C12orf43: variants seen among roughly 807,000 people sequenced by gnomAD.
The protein encoded by C12orf43 is protein CUSTOS.
A neutral mutation model predicts 20.6 loss-of-function variants in C12orf43; 15 were observed. That is an observed-to-expected ratio of 0.73 (90% CI 0.49 to 1.12). The LOEUF (loss-of-function observed/expected upper bound fraction) is 1.12, where lower values mean the gene tolerates loss of function less well. Among genes scored for constraint, C12orf43 ranks in the 50% most tolerant of loss-of-function variants. The pLI, the probability that C12orf43 is intolerant of heterozygous loss-of-function variation, is 0.00. For missense variants in C12orf43, 334 were observed against 344.4 expected (o/e 0.97, Z 0.24); for synonymous variants, 144 against 130.8 (o/e 1.10, Z -0.69).
intron 1 of C12orf43, among the ~76,000 whole-genome samples, chr12:121,011,548 A>G (rs954107577): frequency 6.6e-6 from 1 of 151,946 alleles, no homozygotes; most frequent in Non-Finnish European, 1.5e-5. Context: ...CATATAACTC[A>G]GTGAATCTTC....
chr12:121,012,581 G>T (rs2254971), intron 1 of C12orf43: 4 of 667,120 alleles, frequency 6.0e-6, no homozygotes, highest in East Asian at 5.6e-5. Flanking sequence ...GGCCGGGCGC[G>T]GTGGCTCACG....
Position 121,002,598 on chromosome 12 carries a change from C to G in C12orf43, c.*1555G>C. On this transcript the variant is annotated 3_prime_UTR_variant, in exon 6 of 6. Transcript: ENST00000288757. Reference sequence around the variant, plus strand: ...AGGCCAGAGGCCTGCGAAGAGGAGACAGGCTCCAGCACCCACGCTCTCACA... The same window carrying G: ...AGGCCAGAGGCCTGCGAAGAGGAGAGAGGCTCCAGCACCCACGCTCTCACA... The G allele has an allele frequency of 4.9e-6, 2 of 408,956 alleles. No individual in the cohort carries two copies. Among genetic ancestry groups the G allele is most frequent in the South Asian group, 3.8e-5 (2 of 52,474 alleles). The allele number at this position is 408,956 out of a possible 1,614,324, so 25.3% of individuals were successfully genotyped here. A position where few individuals can be genotyped will look rare whatever the true frequency, so the allele number is the denominator to read the frequency against.
At chr12:121,014,595 A>G (rs943614650) in intron 1 of C12orf43, among the ~76,000 whole-genome samples, 2 of 143,890 alleles carry the variant, frequency 1.4e-5, no homozygotes, top group African/African-American at 5.1e-5. Flanking sequence ...GTGCCATTGC[A>G]CTGCAGCCTG....
intron 3 of C12orf43, among the ~76,000 whole-genome samples, 197 bp downstream of exon 3, chr12:121,010,631 G>A (rs1447876429): frequency 6.6e-6 from 1 of 152,206 alleles, no homozygotes; most frequent in African/African-American, 2.4e-5. Context: ...TCTCCTTGCT[G>A]ACAGCCTGTT....
chr12:121,016,080 G>A (rs1267999529), intron 1 of C12orf43, among the ~76,000 whole-genome samples: 1 of 152,170 alleles, frequency 6.6e-6, no homozygotes, highest in East Asian at 1.9e-4. Context: ...CCCAGTGTGG[G>A]GCAGTGAGGA....
At position 121,004,723 on chromosome 12, in the gene C12orf43, G is replaced by A. The variant is rs79124759; in HGVS notation, c.453-234C>T. On this transcript the variant is annotated intron_variant, in intron 5 of 5. Transcript: ENST00000288757. The surrounding 1 kb of genome is among the most constrained non-coding windows in gnomAD (Gnocchi z 5.6). ...TCTCTGACTGTATCATCTCTAAAAC[G>A]GGGATCTTAACAGAGTCCAGGCCTC... Among the ~76,000 whole-genome samples the A allele has an allele frequency of 4.1e-3, 619 of 152,220 alleles. 27 individuals carry two copies. In the East Asian group the frequency reaches 0.091, roughly 22 times the overall value.
chr12:121,001,024 G>A lies in C12orf43; in HGVS notation c.*3129C>T, dbSNP rs745674674. 2.5e-6 allele frequency: 4 copies of A among 1,610,386 alleles called. No individual in the cohort carries two copies. The highest frequency in any genetic ancestry group is 3.4e-6 in the Non-Finnish European group (4 of 1,179,656). The stretch of plus-strand genomic sequence containing the variant: ...GGGACAGGCAGGTGGGGTGGGTGTG[G>A]GTGCCTGGTGGGTGGCTAGCAGCCT... On this transcript the variant is annotated 3_prime_UTR_variant, in exon 6 of 6. Transcript: ENST00000288757.
chr12:121,009,338 C>G (rs536720974), intron 3 of C12orf43, among the ~76,000 whole-genome samples: 2 of 152,052 alleles, frequency 1.3e-5, no homozygotes, highest in East Asian at 3.9e-4. Context: ...CACCTGTAAC[C>G]CCAGCTACTC....
At chr12:121,009,119 A>G (rs11065394) in intron 3 of C12orf43, among the ~76,000 whole-genome samples, 32,118 of 151,962 alleles carry the variant, frequency 0.21, 3,431 homozygotes, top group East Asian at 0.25. Flanking sequence ...CTAGAATCCA[A>G]ATGTTTGTGT....
Position 121,001,135 on chromosome 12 carries a change from C to A in C12orf43, c.*3018G>T. ...ATGGCCAGAGCCACCTGCTGCCATC[C>A]AACCACAGCGTCATCGAGACCTTCA... On this transcript the variant is annotated 3_prime_UTR_variant, in exon 6 of 6. Transcript: ENST00000288757. The A allele has an allele frequency of 6.2e-7, 1 of 1,614,100 alleles. No homozygotes were observed. Among genetic ancestry groups the A allele is most frequent in the Non-Finnish European group, 8.5e-7 (1 of 1,179,996 alleles).
intron 1 of C12orf43, among the ~76,000 whole-genome samples, chr12:121,011,874 C>T (rs1592920003): frequency 6.6e-6 from 1 of 152,200 alleles, no homozygotes; most frequent in African/African-American, 2.4e-5. Context: ...TGGTCATTCC[C>T]TCAAACCAGA....
In C12orf43 at chr12:121,001,114, C is replaced by A. The variant is rs2135854581; in HGVS notation, c.*3039G>T. 3.1e-6 allele frequency: 5 copies of A among 1,614,006 alleles called. No homozygotes were observed. The highest frequency in any genetic ancestry group is 4.2e-6 in the Non-Finnish European group (5 of 1,179,968). On this transcript the variant is annotated 3_prime_UTR_variant, in exon 6 of 6. Coordinates refer to ENST00000288757, the MANE Select transcript of C12orf43 (RefSeq NM_022895.3). Reference sequence around the variant, plus strand: ...ACCAGAGCTCAGACTCCAGCAATGGCCAGAGCCACCTGCTGCCATCCAACC... The same window carrying A: ...ACCAGAGCTCAGACTCCAGCAATGGACAGAGCCACCTGCTGCCATCCAACC...
chr12:121,001,505 C>A lies in C12orf43; in HGVS notation c.*2648G>T. ...CTTACTTGGAACTGAAGGGGGCGGC[C>A]TATGACTTGGGCACCCCCAGCCTGG... On this transcript the variant is annotated 3_prime_UTR_variant, in exon 6 of 6. Transcript: ENST00000288757. 1 of 461,342 alleles carries A rather than the reference C, an allele frequency of 2.2e-6. No individual in the cohort carries two copies. Among genetic ancestry groups the A allele is most frequent in the Non-Finnish European group, 4.1e-6 (1 of 246,668 alleles). The allele number at this position is 461,342 out of a possible 1,614,324, so 28.6% of individuals were successfully genotyped here.
At chr12:121,006,707 G>C (rs1253362809) in intron 3 of C12orf43, 1 of 283,354 alleles carries the variant, frequency 3.5e-6, no homozygotes, top group African/African-American at 2.2e-5. Flanking sequence ...GGAGGCCAAG[G>C]CAGGCAGATC....
In C12orf43 at chr12:121,000,631, T is replaced by G; in HGVS notation, c.*3522A>C. 4.4e-6 allele frequency: 1 copy of G among 224,904 alleles called. No homozygotes were observed. 13.9% of individuals were successfully genotyped at this position (224,904 alleles called of 1,614,324 possible). ...CAGAATTCCTTCTCTGGGAAACCGGTTTTTGCTCTTACGGCCTTCCACTGA... is the reference window on the plus strand; with the variant it reads ...CAGAATTCCTTCTCTGGGAAACCGGGTTTTGCTCTTACGGCCTTCCACTGA... On this transcript the variant is annotated 3_prime_UTR_variant, in exon 6 of 6. Transcript: ENST00000288757.
At chr12:121,006,215 CAAAAA>C in intron 4 of C12orf43, 101 bp downstream of exon 4, 1 of 938,326 alleles carries the variant, frequency 1.1e-6, no homozygotes, top group Non-Finnish European at 1.6e-6. Flanking sequence ...GTTCCTATCT[CAAAAA>C]AAGAAAAAAA....
chr12:121,010,394 A>G (rs1335098859), intron 3 of C12orf43, among the ~76,000 whole-genome samples: 1 of 152,154 alleles, frequency 6.6e-6, no homozygotes, highest in Non-Finnish European at 1.5e-5. Flanking sequence ...TGGGTTCTGA[A>G]TCCTGGCTTT....
rs1314241161 is a variant in C12orf43, at chr12:121,005,692, G to T, written c.362-599C>A. 1.3e-5 allele frequency among the ~76,000 whole-genome samples: 2 copies of T among 152,224 alleles called. No individual in the cohort carries two copies. The highest frequency in any genetic ancestry group is 4.8e-5 in the African/African-American group (2 of 41,462). ...TGCTCCTGCTCAGGGTGACACAGAC[G>T]AGGCCGCCTCAGGCAAATGACTTCG... On this transcript the variant is annotated intron_variant, in intron 4 of 5. Coordinates refer to ENST00000288757, the MANE Select transcript of C12orf43 (RefSeq NM_022895.3). This position sits in a 1 kb window ranked among gnomAD's most constrained non-coding sequence, Gnocchi z 5.6.
At chr12:121,014,985 TAGGC>T (rs566932463) in intron 1 of C12orf43, among the ~76,000 whole-genome samples, 182 of 151,934 alleles carry the variant, frequency 1.2e-3, no homozygotes, top group Non-Finnish European at 2.0e-3. Flanking sequence ...GAGCGAGAAT[TAGGC>T]AGGAGGAGGA....
Sources: allele counts gnomAD v4.1 joint callset (sites outside exome capture counted in the v4.1 genomes callset), GRCh38; gene constraint gnomAD v4.1.1; non-coding constraint Gnocchi (gnomAD v3.1); transcripts MANE v1.5; gene names NCBI Gene and HGNC (gene_info 2026-07-23, HGNC 2026-07-21).